Variants in NAV2 observed in about 807,000 individuals in gnomAD.
The protein encoded by NAV2 is neuron navigator 2.
A neutral mutation model predicts 223.2 loss-of-function variants in NAV2; 54 were observed. The ratio of observed to expected loss-of-function variants is 0.24; its 90% CI spans 0.19 to 0.30. The LOEUF (loss-of-function observed/expected upper bound fraction) is 0.30, where lower values mean the gene tolerates loss of function less well. Among genes scored for constraint, NAV2 ranks in the 10% least tolerant of loss-of-function variants. NAV2 has a pLI of 1.00. For synonymous variants in NAV2, 1,279 were observed against 1,239.3 expected (o/e 1.03, Z -0.67); for missense variants, 2,806 against 3,147.5 (o/e 0.89, Z 2.60).
chr11:19,623,057 G>T (rs994376610), intron 1 of NAV2, among the ~76,000 whole-genome samples: 4 of 152,116 alleles, frequency 2.6e-5, no homozygotes, highest in Non-Finnish European at 4.4e-5. Context: ...ATTCTGGGTT[G>T]AAAACTCTTT....
chr11:19,629,542 G>GAC (rs10604730), intron 1 of NAV2, among the ~76,000 whole-genome samples: 9,886 of 134,738 alleles, frequency 0.073, 385 homozygotes, highest in African/African-American at 0.11. Flanking sequence ...CTCTCTCTCT[G>GAC]ACACACACAC....
intron 1 of NAV2, among the ~76,000 whole-genome samples, chr11:19,543,254 G>A (rs928627405): frequency 9.2e-5 from 14 of 152,178 alleles, no homozygotes; most frequent in African/African-American, 2.2e-4. Flanking sequence ...AGATAAAAAT[G>A]ACTGCCTGGT....
intron 11 of NAV2, among the ~76,000 whole-genome samples, chr11:20,030,982 C>A (rs534078262): frequency 4.7e-4 from 72 of 152,290 alleles, no homozygotes; most frequent in African/African-American, 1.7e-3. Flanking sequence ...TCTTTTTCAT[C>A]TTTTTAAACC....
At chr11:19,366,620 C>G (rs540375216) in intron 1 of NAV2, among the ~76,000 whole-genome samples, 1 of 152,184 alleles carries the variant, frequency 6.6e-6, no homozygotes, top group Admixed American at 6.5e-5. Context: ...TTAAACAGAC[C>G]CCAGATAAAA....
chr11:19,925,647 C>A (rs2044680038), intron 6 of NAV2, among the ~76,000 whole-genome samples: 1 of 151,538 alleles, frequency 6.6e-6, no homozygotes, highest in South Asian at 2.1e-4. Flanking sequence ...ATTCAGGAGG[C>A]TGAGGCAAGA....
intron 1 of NAV2, among the ~76,000 whole-genome samples, chr11:19,683,943 C>A (rs1374866232): frequency 2.0e-5 from 3 of 152,148 alleles, no homozygotes; most frequent in Admixed American, 6.5e-5. Flanking sequence ...AATATCTTTT[C>A]TTTTGCCAAA....
chr11:19,392,204 CTA>C (rs923091393), intron 1 of NAV2, among the ~76,000 whole-genome samples: 2 of 152,166 alleles, frequency 1.3e-5, no homozygotes, highest in Non-Finnish European at 2.9e-5. Flanking sequence ...TCATTGCAAA[CTA>C]TTTGAGGCAT....
intron 1 of NAV2, among the ~76,000 whole-genome samples, chr11:19,623,298 T>G (rs896667606): frequency 6.6e-6 from 1 of 152,218 alleles, no homozygotes; most frequent in African/African-American, 2.4e-5. Flanking sequence ...TTTCCTGAAT[T>G]TGAATGTTGG....
At chr11:19,607,645 T>C (rs1032956653) in intron 1 of NAV2, among the ~76,000 whole-genome samples, 2 of 152,214 alleles carry the variant, frequency 1.3e-5, no homozygotes, top group Admixed American at 6.5e-5. Flanking sequence ...TTGTCAGTCT[T>C]GGAGTCTCTA....
At chr11:19,863,386 A>G (rs1226030529) in intron 3 of NAV2, among the ~76,000 whole-genome samples, 5 of 152,072 alleles carry the variant, frequency 3.3e-5, no homozygotes, top group East Asian at 1.9e-4. Context: ...TGCATCCTGT[A>G]TGGAGTCTTT....
intron 1 of NAV2, among the ~76,000 whole-genome samples, chr11:19,655,144 C>T (rs1373891667): frequency 1.3e-5 from 2 of 152,150 alleles, no homozygotes; most frequent in Non-Finnish European, 2.9e-5. Context: ...TGAAAAAATG[C>T]TCATCATCAC....
intron 1 of NAV2, among the ~76,000 whole-genome samples, chr11:19,462,685 G>A (rs1250453737): frequency 2.0e-5 from 3 of 152,224 alleles, no homozygotes; most frequent in African/African-American, 7.2e-5. Context: ...ATGGGGTAGT[G>A]ATGACCAGGT....
intron 10 of NAV2, among the ~76,000 whole-genome samples, chr11:19,967,613 T>C (rs1249213901): frequency 1.3e-5 from 2 of 152,130 alleles, no homozygotes; most frequent in Non-Finnish European, 1.5e-5. Context: ...AGGAAAAATG[T>C]GCCCAAAAGT....
At chr11:19,393,418 C>T (rs1245330467) in intron 1 of NAV2, among the ~76,000 whole-genome samples, 2 of 152,224 alleles carry the variant, frequency 1.3e-5, no homozygotes, top group Admixed American at 6.5e-5. Flanking sequence ...TTGGTCTGAT[C>T]TGTAGCTTTA....
intron 3 of NAV2, among the ~76,000 whole-genome samples, chr11:19,844,448 T>C (rs768579523): frequency 1.3e-5 from 2 of 152,208 alleles, no homozygotes; most frequent in African/African-American, 4.8e-5. Flanking sequence ...TCCAAGCTTA[T>C]ACAGATTGAG....
intron 1 of NAV2, among the ~76,000 whole-genome samples, chr11:19,704,304 G>A (rs1043323372): frequency 1.3e-5 from 2 of 152,150 alleles, no homozygotes; most frequent in South Asian, 4.1e-4. Context: ...CACCACTCAG[G>A]AGTGCTGTGG....
intron 1 of NAV2, among the ~76,000 whole-genome samples, chr11:19,595,051 A>G (rs1452235752): frequency 1.3e-5 from 2 of 152,154 alleles, no homozygotes; most frequent in Non-Finnish European, 2.9e-5. Context: ...GATGTGAGAG[A>G]ACAGGGAAGT....
intron 6 of NAV2, among the ~76,000 whole-genome samples, chr11:19,910,294 G>A (rs1474248261): frequency 6.6e-6 from 1 of 152,114 alleles, no homozygotes; most frequent in Non-Finnish European, 1.5e-5. Context: ...TAATCATTGA[G>A]CCCCTCTTTT....
rs114399570 is a variant in NAV2 at position 19,702,461 on chromosome 11, A to C, written c.76-130023A>C. On this transcript the variant is annotated intron_variant, in intron 1 of 37. Transcript: ENST00000360655. ...GCATTTCCACATCACCAACATTTGC[A>C]CAGGGCTTGGTTCACAGCAGGGCTT... is the stretch of plus-strand genomic sequence containing the variant. 5.8e-3 allele frequency among the ~76,000 whole-genome samples: 890 copies of C among 152,300 alleles called. 14 individuals are homozygous for C. The highest frequency in any genetic ancestry group is 0.02 in the African/African-American group (846 of 41,542).
Sources: allele counts gnomAD v4.1 joint callset (sites outside exome capture counted in the v4.1 genomes callset), GRCh38; gene constraint gnomAD v4.1.1; transcripts MANE v1.5; gene names NCBI Gene and HGNC (gene_info 2026-07-23, HGNC 2026-07-21).